TMEM135: variants seen among roughly 807,000 people sequenced by gnomAD.
The protein encoded by TMEM135 is transmembrane protein 135.
In TMEM135, 30 loss-of-function variants were observed where a neutral mutation model predicts 60.3. The ratio of observed to expected loss-of-function variants is 0.50; its 90% CI spans 0.37 to 0.68. TMEM135 has a LOEUF of 0.68. Ranked by LOEUF, TMEM135 falls within the 30% of genes least tolerant of loss-of-function variation. The pLI is 0.00. For synonymous variants in TMEM135, 190 were observed against 186.7 expected (o/e 1.02, Z -0.14); for missense variants, 468 against 548.8 (o/e 0.85, Z 1.47).
intron 5 of TMEM135, among the ~76,000 whole-genome samples, chr11:87,172,156 C>CT (rs1939254384): frequency 6.6e-6 from 1 of 152,130 alleles, no homozygotes; most frequent in South Asian, 2.1e-4. Flanking sequence ...TCACCAAAGA[C>CT]TTTGTCTATG....
rs147380526 is a variant in TMEM135, at chr11:87,328,522, G to T, written c.*7189G>T. 20 of 453,968 alleles carry T rather than the reference G, an allele frequency of 4.4e-5. No individual in the cohort carries two copies. In the East Asian group the frequency reaches 1.4e-3, roughly 32 times the overall value. 28.1% of individuals were successfully genotyped at this position (453,968 alleles called of 1,614,324 possible). On this transcript the variant is annotated 3_prime_UTR_variant, in exon 15 of 15. Transcript: ENST00000305494. ...TTCCTTCCCCTTCTGAGTCTCCATA[G>T]TCCATTATATCACTCTGTATACCCT... is the stretch of plus-strand genomic sequence containing the variant.
At chr11:87,161,994 C>G (rs189627149) in intron 5 of TMEM135, among the ~76,000 whole-genome samples, 55 of 151,996 alleles carry the variant, frequency 3.6e-4, no homozygotes, top group African/African-American at 1.3e-3. Flanking sequence ...TATAATCTAG[C>G]CTATTAATAG....
chr11:87,293,759 A>G (rs1285125616), intron 6 of TMEM135, among the ~76,000 whole-genome samples: 1 of 152,168 alleles, frequency 6.6e-6, no homozygotes, highest in African/African-American at 2.4e-5. Flanking sequence ...CCATTTGATC[A>G]TTGATGGGCA....
chr11:87,218,698 A>G (rs1940554350), intron 5 of TMEM135, among the ~76,000 whole-genome samples: 1 of 152,176 alleles, frequency 6.6e-6, no homozygotes, highest in African/African-American at 2.4e-5. Context: ...GCGGTGGCTC[A>G]TGCCTGTAAT....
Position 87,327,970 on chromosome 11 carries a change from C to G in TMEM135, c.*6637C>G, listed in dbSNP as rs547467495. 3 of 453,926 alleles carry G rather than the reference C, an allele frequency of 6.6e-6. No homozygotes were observed. Among genetic ancestry groups the G allele is most frequent in the African/African-American group, 6.0e-5 (3 of 49,990 alleles). The allele number at this position is 453,926 out of a possible 1,614,324, so 28.1% of individuals were successfully genotyped here. ...CATATTGAGGGCAGATCTTCTCTGC[C>G]TAGTCCACGCTAACTCACATGCCAA... On this transcript the variant is annotated 3_prime_UTR_variant, in exon 15 of 15. Transcript: ENST00000305494.
chr11:87,247,346 T>A (rs1441735021), intron 6 of TMEM135, among the ~76,000 whole-genome samples: 1 of 152,196 alleles, frequency 6.6e-6, no homozygotes. Context: ...TTCTCAGATC[T>A]CCAGCTGTGT....
intron 1 of TMEM135, among the ~76,000 whole-genome samples, chr11:87,058,907 C>T (rs1949919368): frequency 6.6e-6 from 1 of 151,484 alleles, no homozygotes; most frequent in South Asian, 2.1e-4. Context: ...GGCATGAGAA[C>T]AAGGTCTTAT....
At chr11:87,234,770 G>A (rs1286919189) in intron 5 of TMEM135, among the ~76,000 whole-genome samples, 1 of 151,982 alleles carries the variant, frequency 6.6e-6, no homozygotes, top group Non-Finnish European at 1.5e-5. Flanking sequence ...TCTAAAGCTT[G>A]AGTTCTTAAA....
chr11:87,065,995 C>T (rs769703716), intron 1 of TMEM135, among the ~76,000 whole-genome samples: 1 of 152,150 alleles, frequency 6.6e-6, no homozygotes, highest in Non-Finnish European at 1.5e-5. Context: ...TCTTATTCAT[C>T]ATTGTTTTGC....
In TMEM135 at chr11:87,325,681, T is replaced by C. The variant is rs2134549256; in HGVS notation, c.*4348T>C. 2.2e-6 allele frequency: 1 copy of C among 451,384 alleles called. No homozygotes were observed. The highest frequency in any genetic ancestry group is 4.4e-6 in the Non-Finnish European group (1 of 226,110). The allele number at this position is 451,384 out of a possible 1,614,324, so 28.0% of individuals were successfully genotyped here. A position where few individuals can be genotyped will look rare whatever the true frequency, so the allele number is the denominator to read the frequency against. On this transcript the variant is annotated 3_prime_UTR_variant, in exon 15 of 15. Transcript: ENST00000305494. ...GATCATAACGGTGATAACAATGGAG[T>C]AAACATTTCCAGAGACACTGATTTT...
At chr11:87,168,152 G>A (rs955838508) in intron 5 of TMEM135, among the ~76,000 whole-genome samples, 1 of 152,096 alleles carries the variant, frequency 6.6e-6, no homozygotes, top group Admixed American at 6.6e-5. Context: ...GATCAATGGT[G>A]ATATCTCTTT....
chr11:87,116,110 G>GT (rs1466802656), intron 4 of TMEM135, among the ~76,000 whole-genome samples: 2 of 151,962 alleles, frequency 1.3e-5, no homozygotes, highest in African/African-American at 4.8e-5. Context: ...CTGTTTTATA[G>GT]TTTCCATTCC....
intron 5 of TMEM135, among the ~76,000 whole-genome samples, chr11:87,203,608 C>G (rs933338607): frequency 3.9e-5 from 6 of 152,178 alleles, no homozygotes; most frequent in Non-Finnish European, 7.4e-5. Context: ...TACTCACCTA[C>G]TGGAGAACAT....
rs948855450 is a variant in TMEM135, at chr11:87,102,422, A to T, written c.396+11027A>T. Among the ~76,000 whole-genome samples the T allele has an allele frequency of 2.0e-5, 3 of 152,166 alleles. No homozygotes were observed. In the East Asian group the frequency reaches 5.8e-4, roughly 29 times the overall value. On this transcript the variant is annotated intron_variant, in intron 4 of 14. Coordinates refer to ENST00000305494, the MANE Select transcript of TMEM135 (RefSeq NM_022918.4). ...GGCAAGATATGGGAAAAGTCTGACA[A>T]GAGCAAATGTTGGTATGAATATATA... is the stretch of plus-strand genomic sequence containing the variant.
chr11:87,061,799 G>T (rs770811850), intron 1 of TMEM135, among the ~76,000 whole-genome samples: 1 of 152,310 alleles, frequency 6.6e-6, no homozygotes, highest in Admixed American at 6.5e-5. Flanking sequence ...ATATAGTGCT[G>T]ATGGATGTTT....
At chr11:87,062,653 T>A (rs1949961837) in intron 1 of TMEM135, among the ~76,000 whole-genome samples, 3 of 151,390 alleles carry the variant, frequency 2.0e-5, no homozygotes, top group African/African-American at 7.3e-5. Context: ...TTAGTATAGA[T>A]GGGATTTCAC....
chr11:87,226,690 A>G (rs995216428), intron 5 of TMEM135, among the ~76,000 whole-genome samples: 1 of 152,200 alleles, frequency 6.6e-6, no homozygotes, highest in Admixed American at 6.5e-5. Context: ...TGCTTCTACA[A>G]ATGGAATATT....
At chr11:87,157,074 GTT>G (rs199977904) in intron 4 of TMEM135, among the ~76,000 whole-genome samples, 18,459 of 137,806 alleles carry the variant, frequency 0.13, 1,192 homozygotes, top group Middle Eastern at 0.16. Flanking sequence ...TCTTTCTTTT[GTT>G]TTTTTTTTTT....
At chr11:87,181,579 G>A (rs1474210207) in intron 5 of TMEM135, among the ~76,000 whole-genome samples, 1 of 152,118 alleles carries the variant, frequency 6.6e-6, no homozygotes, top group Non-Finnish European at 1.5e-5. Context: ...GTCAGAGATT[G>A]GAAGCACAGG....
Sources: gnomAD v4.1 joint callset for allele counts (sites outside exome capture counted in the v4.1 genomes callset) on GRCh38, gnomAD v4.1.1 for gene constraint, MANE v1.5 for transcripts, NCBI Gene and HGNC (gene_info 2026-07-23, HGNC 2026-07-21) for gene names.